Variants in GLOD4 observed in about 807,000 individuals in gnomAD.
The protein encoded by GLOD4 is glyoxalase domain-containing protein 4.
Under a neutral mutation model 39.1 loss-of-function variants are expected in GLOD4, and 44 were observed. That is an observed-to-expected ratio of 1.13 (90% CI 0.88 to 1.45). GLOD4 has a LOEUF of 1.45. Among genes scored for constraint, GLOD4 ranks in the 40% most tolerant of loss-of-function variants. The pLI, the probability that GLOD4 is intolerant of heterozygous loss-of-function variation, is 0.00. For missense variants in GLOD4, 405 were observed against 366.4 expected (o/e 1.11, Z -0.86); for synonymous variants, 145 against 135.0 (o/e 1.07, Z -0.52).
chr17:782,998 C>T (rs1259400350), upstream of GLOD4: 6 of 1,510,674 alleles, frequency 4.0e-6, no homozygotes, highest in South Asian at 4.0e-5. Flanking sequence ...CTCTCCGTAG[C>T]TCTTTATTTC....
At chr17:785,511 C>G (rs1342074126), upstream of GLOD4, among the ~76,000 whole-genome samples, 6 of 152,158 alleles carry the variant, frequency 3.9e-5, no homozygotes, top group Non-Finnish European at 8.8e-5. Context: ...CAGATAGTCC[C>G]AGACCCCATT....
At chr17:766,924 T>C (rs540392608) in intron 8 of GLOD4, among the ~76,000 whole-genome samples, 1 of 152,244 alleles carries the variant, frequency 6.6e-6, no homozygotes, top group Non-Finnish European at 1.5e-5. Context: ...GTAATTAATT[T>C]AATTAAATTA....
At chr17:783,391 C>G, upstream of GLOD4, 3 of 1,483,568 alleles carry the variant, frequency 2.0e-6, no homozygotes, top group South Asian at 2.7e-5. Flanking sequence ...GGCTGGAGTG[C>G]AATGGCGCGA....
intron 5 of GLOD4, chr17:770,718 G>T: frequency 7.3e-6 from 3 of 412,026 alleles, no homozygotes; most frequent in South Asian, 6.0e-5. Context: ...CACAAATGGT[G>T]GTATAATTTA....
intron 4 of GLOD4, among the ~76,000 whole-genome samples, chr17:773,994 C>T (rs1214114843): frequency 1.3e-5 from 2 of 152,148 alleles, no homozygotes; most frequent in African/African-American, 4.8e-5. Context: ...AGCTTCTTAG[C>T]ACCATGGGGC....
rs752334770 is a variant in GLOD4 at position 776,901 on chromosome 17, G to A, written c.228C>T (p.Gly76=). The A allele has an allele frequency of 3.1e-6, 5 of 1,612,170 alleles. No individual in the cohort carries two copies. Among genetic ancestry groups the A allele is most frequent in the African/African-American group, 1.3e-5 (1 of 74,852 alleles). Residue 76 remains glycine, a synonymous_variant, in exon 3 of 9, where the codon GGC becomes GGT. Transcript: ENST00000301329. ...HFVAELTYNY[G]VGDYKLGNDF... ...CATTGCCAAGCTTGTAGTCTCCGAC[G>A]CCATAATTGTAAGTCAGTTCTGCGA... is the stretch of plus-strand genomic sequence containing the variant.
At chr17:760,360 C>A in intron 8 of GLOD4, 122 bp from the exon 9 acceptor site, 1 of 631,196 alleles carries the variant, frequency 1.6e-6, no homozygotes, top group Non-Finnish European at 2.8e-6. Context: ...AGGACCCAAA[C>A]CCCCGCTCCA....
chr17:764,234 T>A (rs1015126037), intron 8 of GLOD4: 3 of 152,186 alleles, frequency 2.0e-5, no homozygotes, highest in African/African-American at 7.2e-5. Context: ...ACAGTGAGAA[T>A]CTGTCTCTAC....
In GLOD4 at chr17:771,356, T is replaced by G. The variant is rs1353345898; in HGVS notation, c.512A>C (p.Gln171Pro). Residue 171 changes from glutamine (Q) to proline (P), a missense_variant, in exon 5 of 9, where the codon CAA becomes CCA. Coordinates refer to ENST00000301329, the MANE Select transcript of GLOD4 (RefSeq NM_016080.4). ...MKIYEKDEEKQRALLGYADNQ... is the reference protein window; with the variant it reads ...MKIYEKDEEKPRALLGYADNQ... ...ATCAGCATAGCCCAGCAAAGCCCTT[T>G]GCTTTTCTTCATCTTTTTCATAAAT... The G allele has an allele frequency of 4.4e-6, 7 of 1,605,154 alleles. No homozygotes were observed. Among genetic ancestry groups the G allele is most frequent in the Non-Finnish European group, 6.0e-6 (7 of 1,174,292 alleles).
intron 8 of GLOD4, among the ~76,000 whole-genome samples, chr17:763,249 T>C (rs1433764017): frequency 6.6e-6 from 1 of 151,244 alleles, no homozygotes; most frequent in Non-Finnish European, 1.5e-5. Flanking sequence ...GGCTCACATC[T>C]GTAATCCCAG....
intron 4 of GLOD4, among the ~76,000 whole-genome samples, chr17:774,561 C>T (rs148157549): frequency 4.6e-5 from 7 of 152,348 alleles, no homozygotes; most frequent in African/African-American, 1.7e-4. Context: ...GTGTGGCAGT[C>T]AGCGTGGGGG....
In GLOD4 at chr17:780,657, G is replaced by A. The variant is rs1318118593; in HGVS notation, c.90+1509C>T. The A allele has an allele frequency of 2.0e-5, 3 of 151,194 alleles. No homozygotes were observed. In the East Asian group the frequency reaches 6.0e-4, roughly 30 times the overall value. 9.4% of individuals were successfully genotyped at this position (151,194 alleles called of 1,614,324 possible). On this transcript the variant is annotated intron_variant, in intron 1 of 8. Coordinates refer to ENST00000301329, the MANE Select transcript of GLOD4 (RefSeq NM_016080.4). ...ACTCGGGAGGCTGAGGCAGGAGAATGGTGTGAACCCGGGAGGCTGAGCTTA... is the reference window on the plus strand; with the variant it reads ...ACTCGGGAGGCTGAGGCAGGAGAATAGTGTGAACCCGGGAGGCTGAGCTTA...
rs1208438858 is a variant in GLOD4 at position 776,940 on chromosome 17, C to T, written c.189G>A (p.Glu63=). The T allele has an allele frequency of 9.3e-6, 15 of 1,607,656 alleles. No individual in the cohort carries two copies. Among genetic ancestry groups the T allele is most frequent in the Non-Finnish European group, 1.3e-5 (15 of 1,174,088 alleles). Reference sequence around the variant, plus strand: ...TCAGTTCTGCGACAAAATGATCATCCTCAGGCCCAAATCCCACCATTGTTT... The same window carrying T: ...TCAGTTCTGCGACAAAATGATCATCTTCAGGCCCAAATCCCACCATTGTTT... ...WSKTMVGFGP[E]DDHFVAELTY... The change falls in exon 3 of 9, where the codon GAG becomes GAA. Residue 63 remains glutamate (E), a synonymous_variant. Coordinates refer to ENST00000301329, the MANE Select transcript of GLOD4 (RefSeq NM_016080.4).
intron 3 of GLOD4, among the ~76,000 whole-genome samples, chr17:776,667 G>T (rs778472505): frequency 3.3e-5 from 5 of 152,160 alleles, no homozygotes; most frequent in African/African-American, 4.8e-5. Flanking sequence ...CACGCCAGAT[G>T]TTACCTGACG....
chr17:779,917 C>T (rs1430580545), intron 1 of GLOD4, among the ~76,000 whole-genome samples: 1 of 152,184 alleles, frequency 6.6e-6, no homozygotes, highest in Non-Finnish European at 1.5e-5. Context: ...GTAATCCCAG[C>T]ACTTTGGGAG....
At chr17:783,723 T>C (rs190661844), upstream of GLOD4, among the ~76,000 whole-genome samples, 274 of 152,324 alleles carry the variant, frequency 1.8e-3, no homozygotes, top group African/African-American at 6.2e-3. Context: ...AAATTCAAAA[T>C]GTTACAATTA....
intron 8 of GLOD4, chr17:764,436 G>C (rs1288951228): frequency 1.3e-5 from 2 of 152,166 alleles, no homozygotes; most frequent in African/African-American, 4.8e-5. Context: ...ACGATGGTCC[G>C]ATCACTTTCG....
At position 776,742 on chromosome 17, in the gene GLOD4, T is replaced by C. The variant is rs1597586882; in HGVS notation, c.261+126A>G. On this transcript the variant is annotated intron_variant, in intron 3 of 8. Coordinates refer to ENST00000301329, the MANE Select transcript of GLOD4 (RefSeq NM_016080.4). The stretch of plus-strand genomic sequence containing the variant: ...CCAGATATCCACGTGGCTAACTCCC[T>C]GACCTCTTTTGAGTCTCTGCTCAAA... 2.4e-5 allele frequency: 18 copies of C among 738,008 alleles called. No individual in the cohort carries two copies. The South Asian group carries it at 2.9e-4, about 12-fold the overall frequency. The allele number at this position is 738,008 out of a possible 1,614,324, so 45.7% of individuals were successfully genotyped here. A position where few individuals can be genotyped will look rare whatever the true frequency, so the allele number is the denominator to read the frequency against.
chr17:771,752 C>G (rs896863753), intron 4 of GLOD4, among the ~76,000 whole-genome samples: 10 of 152,264 alleles, frequency 6.6e-5, no homozygotes, highest in African/African-American at 2.4e-4. Context: ...TGCCTGTAAT[C>G]CCAGCACTTT....
Sources: allele counts gnomAD v4.1 joint callset (sites outside exome capture counted in the v4.1 genomes callset), GRCh38; gene constraint gnomAD v4.1.1; transcripts MANE v1.5; gene names NCBI Gene and HGNC (gene_info 2026-07-23, HGNC 2026-07-21).